The following DOT1L variants were observed in gnomAD, a reference collection of about 807,000 sequenced individuals.
The protein encoded by DOT1L is histone-lysine N-methyltransferase, H3 lysine-79 specific.
In DOT1L, 33 loss-of-function variants were observed where a neutral mutation model predicts 153.3. The observed-to-expected ratio is 0.22, with a 90% CI of 0.16 to 0.29. DOT1L has a LOEUF of 0.29. Ranked by LOEUF, DOT1L falls within the 10% of genes least tolerant of loss-of-function variation. DOT1L has a pLI of 1.00. For synonymous variants in DOT1L, 1,135 were observed against 965.1 expected, an observed-to-expected ratio of 1.18 and a Z score of -3.26; for missense variants, 1,847 against 2,119.9, an observed-to-expected ratio of 0.87 and a Z score of 2.53.
chr19:2,174,081 C>T (rs1201409683), intron 1 of DOT1L, among the ~76,000 whole-genome samples: 1 of 152,224 alleles, frequency 6.6e-6, no homozygotes, highest in East Asian at 1.9e-4. Flanking sequence ...CCTCAGCCTC[C>T]TAAAGTGCTA....
intron 1 of DOT1L, chr19:2,164,470 G>A (rs1342498053): frequency 2.9e-6 from 1 of 343,246 alleles, no homozygotes; most frequent in African/African-American, 2.2e-5. Flanking sequence ...CCGCGCGCCT[G>A]GGGTGGGAGC....
Position 2,220,160 on chromosome 19 carries a change from A to G in DOT1L, c.2744A>G (p.Glu915Gly). The G allele has an allele frequency of 1.9e-6, 3 of 1,613,756 alleles. No homozygotes were observed. Among genetic ancestry groups the G allele is most frequent in the Non-Finnish European group, 8.5e-7 (1 of 1,179,976 alleles). ...LQPRDPSSTL[E>G]KQIGANAHGA... ...CCCCGTGACCCCTCGTCCACACTTG[A>G]AAAGCAGATTGGTGCTAATGCCCAC... Residue 915 changes from glutamate to glycine, a missense_variant, in exon 23 of 28, where the codon GAA becomes GGA. Around this residue, in one of 8 missense-constraint regions of DOT1L, gnomAD observed 68 missense variants for 80.7 expected, o/e 0.84. Transcript: ENST00000398665. This position sits in a 1 kb window ranked among gnomAD's most constrained non-coding sequence, Gnocchi z 4.5.
chr19:2,229,776 C>G lies in DOT1L; in HGVS notation c.4607-9C>G. The G allele has an allele frequency of 1.2e-6, 2 of 1,613,346 alleles. No homozygotes were observed. The highest frequency in any genetic ancestry group is 8.5e-7 in the Non-Finnish European group (1 of 1,179,942). On this transcript the variant is annotated splice_polypyrimidine_tract_variant and intron_variant, in intron 27 of 27. Transcript: ENST00000398665. ...CTCAGGCCGCTCTTCCCGCTGTGCC[C>G]TTCTGCAGGTAACTAGGATTTCTAC...
chr19:2,216,315 A>G lies in DOT1L; in HGVS notation c.1958A>G (p.Gln653Arg). Residue 653 changes from glutamine to arginine, a missense_variant, in exon 20 of 28, where the codon CAG (glutamine) becomes CGG (arginine). Physicochemically the swap from Gln to Arg is conservative, Grantham distance 43. Around this residue, in one of 8 missense-constraint regions of DOT1L, gnomAD observed 156 missense variants for 235.7 expected, o/e 0.66. Coordinates refer to ENST00000398665, the MANE Select transcript of DOT1L (RefSeq NM_032482.3). The stretch of plus-strand genomic sequence containing the variant: ...GTGGAGCTAGAGAAGAGCCAGCGGC[A>G]GCAGGAGCTCCTGCAGCTCAAGTCC... The part of the protein sequence containing the change: ...SIVELEKSQR[Q>R]QELLQLKSCV... 6.3e-7 allele frequency: 1 copy of G among 1,593,624 alleles called. No individual in the cohort carries two copies. Among genetic ancestry groups the G allele is most frequent in the South Asian group, 1.1e-5 (1 of 89,868 alleles).
At chr19:2,198,588 C>T (rs370910138) in intron 7 of DOT1L, among the ~76,000 whole-genome samples, 14 of 152,214 alleles carry the variant, frequency 9.2e-5, no homozygotes, top group African/African-American at 2.4e-4. Context: ...TCGGGGACTC[C>T]GTCCCCATCC....
intron 14 of DOT1L, 59 bp from the exon 15 acceptor site, chr19:2,211,040 C>A (rs1352416103): frequency 4.5e-6 from 7 of 1,545,704 alleles, no homozygotes; most frequent in Non-Finnish European, 6.2e-6. Context: ...CATGCTGACG[C>A]CTCTGCCCAC....
At chr19:2,227,845 C>T (rs1447231659) in intron 27 of DOT1L, 4 of 1,288,112 alleles carry the variant, frequency 3.1e-6, no homozygotes, top group Non-Finnish European at 4.1e-6. Flanking sequence ...CCGCTGCAGG[C>T]GGCGGCCAGC....
Position 2,229,879 on chromosome 19 carries a change from C to T in DOT1L, c.*87C>T. 1.9e-6 allele frequency: 3 copies of T among 1,609,392 alleles called. No homozygotes were observed. In the South Asian group the frequency reaches 3.3e-5, roughly 18 times the overall value. ...ATGGTGCCCGCCGGCCTGCCGGGCT[C>T]CCACCCCTGGACGGCAGAGGCAAGG... On this transcript the variant is annotated 3_prime_UTR_variant, in exon 28 of 28. Transcript: ENST00000398665.
chr19:2,204,056 A>G lies in DOT1L; in HGVS notation c.787+1277A>G, dbSNP rs1277118466. 1.3e-5 allele frequency among the ~76,000 whole-genome samples: 2 copies of G among 152,030 alleles called. No individual in the cohort carries two copies. The highest frequency in any genetic ancestry group is 2.9e-5 in the Non-Finnish European group (2 of 68,012). On this transcript the variant is annotated intron_variant, in intron 9 of 27. Transcript: ENST00000398665. This position sits in a 1 kb window ranked among gnomAD's most constrained non-coding sequence, Gnocchi z 5.7. Reference sequence around the variant, plus strand: ...GGGTCTGCAGCTGCCTTCAGCACCAACGCCCCACAACCTGGGGGTTTGGAG... The same window carrying G: ...GGGTCTGCAGCTGCCTTCAGCACCAGCGCCCCACAACCTGGGGGTTTGGAG...
chr19:2,211,012 G>T (rs1186203073), intron 14 of DOT1L, 87 bp from the exon 15 acceptor site: 1 of 1,480,980 alleles, frequency 6.8e-7, no homozygotes, highest in East Asian at 2.3e-5. Context: ...ATCCTAAGGG[G>T]TTGCTGGGCA....
rs538761117 is a variant in DOT1L, at chr19:2,217,529, C to T, written c.2545-243C>T. ...CCCCACGGGTGACTGCCCACCGAGCCGGGCGGGCAGGCTGGAGGGGACAGA... is the reference window on the plus strand; with the variant it reads ...CCCCACGGGTGACTGCCCACCGAGCTGGGCGGGCAGGCTGGAGGGGACAGA... On this transcript the variant is annotated intron_variant, in intron 21 of 27. Transcript: ENST00000398665. The surrounding 1 kb of genome is among the most constrained non-coding windows in gnomAD (Gnocchi z 7.3). 3.9e-3 allele frequency among the ~76,000 whole-genome samples: 598 copies of T among 152,194 alleles called. 3 individuals are homozygous for T. The highest frequency in any genetic ancestry group is 7.6e-3 in the Admixed American group (116 of 15,288).
In DOT1L at chr19:2,196,591, A is replaced by T. The variant is rs548085735; in HGVS notation, c.651+2014A>T. ...CGTGATCCGCCTGCCTCTGCCTCCC[A>T]AAGTGCTGGGATGACAGGTGTGAGC... On this transcript the variant is annotated intron_variant, in intron 7 of 27. Coordinates refer to ENST00000398665, the MANE Select transcript of DOT1L (RefSeq NM_032482.3). Among the ~76,000 whole-genome samples, 74 of 152,254 alleles carry T rather than the reference A, an allele frequency of 4.9e-4. No individual in the cohort carries two copies. In the South Asian group the frequency reaches 0.015, roughly 31 times the overall value.
At chr19:2,196,947 C>T (rs558361957) in intron 7 of DOT1L, among the ~76,000 whole-genome samples, 83 of 152,306 alleles carry the variant, frequency 5.4e-4, no homozygotes, top group Non-Finnish European at 9.7e-4. Flanking sequence ...CTAGTGTCAG[C>T]GCGGTGCTGT....
chr19:2,181,763 A>AGCC (rs2022248614), intron 2 of DOT1L, among the ~76,000 whole-genome samples: 3 of 138,490 alleles, frequency 2.2e-5, no homozygotes, highest in Non-Finnish European at 3.2e-5. Context: ...CCCGCCCAGC[A>AGCC]CCAGCCCCAG....
rs768756000 is a variant in DOT1L, at chr19:2,222,215, G to C, written c.3046G>C (p.Ala1016Pro). Reference sequence around the variant, plus strand: ...CTCCAGTCCCCGGCTTGGTGGGGCCGCCCAGGGCCCGTTGCCCGAGGCCAG... The same window carrying C: ...CTCCAGTCCCCGGCTTGGTGGGGCCCCCCAGGGCCCGTTGCCCGAGGCCAG... ...LSSSPRLGGA[A>P]QGPLPEASKG... The change falls in exon 24 of 28, where the codon GCC becomes CCC. Residue 1016 changes from alanine to proline, a missense_variant. Transcript: ENST00000398665. The surrounding 1 kb of genome is among the most constrained non-coding windows in gnomAD (Gnocchi z 6.5). 1 of 1,612,934 alleles carries C rather than the reference G, an allele frequency of 6.2e-7. No individual in the cohort carries two copies. Among genetic ancestry groups the C allele is most frequent in the Admixed American group, 1.7e-5 (1 of 60,006 alleles).
intron 12 of DOT1L, among the ~76,000 whole-genome samples, chr19:2,209,280 C>T (rs1338764319): frequency 6.6e-6 from 1 of 152,178 alleles, no homozygotes; most frequent in Non-Finnish European, 1.5e-5. Flanking sequence ...TCTCTCCCAC[C>T]CTCTCTCTGT....
chr19:2,210,524 C>T lies in DOT1L; in HGVS notation c.1116+14C>T. On this transcript the variant is annotated intron_variant, in intron 13 of 27. Transcript: ENST00000398665. ...GACGCCCCCATGGTAAGGCCCCAGC[C>T]TGGCTCCTGCTGCTGGAGGGCACCC... 1 of 1,590,896 alleles carries T rather than the reference C, an allele frequency of 6.3e-7. No individual in the cohort carries two copies. The highest frequency in any genetic ancestry group is 1.7e-5 in the Admixed American group (1 of 57,664).
At chr19:2,167,992 C>T (rs2019991706) in intron 1 of DOT1L, among the ~76,000 whole-genome samples, 1 of 152,198 alleles carries the variant, frequency 6.6e-6, no homozygotes, top group Non-Finnish European at 1.5e-5. Flanking sequence ...ACCTCGGCCT[C>T]CCAGAGTGCT....
intron 27 of DOT1L, 24 bp downstream of exon 27, chr19:2,227,151 G>A: frequency 6.4e-7 from 1 of 1,553,416 alleles, no homozygotes; most frequent in South Asian, 1.2e-5. Context: ...CCGTCCGTCC[G>A]CCCCCCGCCC....
Sources: allele counts gnomAD v4.1 joint callset (sites outside exome capture counted in the v4.1 genomes callset), GRCh38; gene constraint gnomAD v4.1.1; regional missense constraint gnomAD v4.1.1; non-coding constraint Gnocchi (gnomAD v3.1); transcripts MANE v1.5; gene names NCBI Gene and HGNC (gene_info 2026-07-23, HGNC 2026-07-21).